CACNG3: variants seen among roughly 807,000 people sequenced by gnomAD.
CACNG3 encodes the protein voltage-dependent calcium channel gamma-3 subunit.
In CACNG3, 3 loss-of-function variants were observed where a neutral mutation model predicts 28.5. That is an observed-to-expected ratio of 0.11 (90% confidence interval 0.05 to 0.27). The LOEUF is 0.27. CACNG3 is among the 10% of genes least tolerant of loss of function. CACNG3 has a pLI of 1.00. For missense variants in CACNG3, 236 were observed against 414.4 expected, an observed-to-expected ratio of 0.57 and a Z score of 3.74; for synonymous variants, 174 against 162.2, an observed-to-expected ratio of 1.07 and a Z score of -0.55.
chr16:24,334,465 G>T (rs1023464046), intron 1 of CACNG3, among the ~76,000 whole-genome samples: 1 of 152,170 alleles, frequency 6.6e-6, no homozygotes, highest in Non-Finnish European at 1.5e-5. Flanking sequence ...ACCAAAATCT[G>T]CCCCAGGACC....
At chr16:24,289,370 A>G (rs1256763906) in intron 1 of CACNG3, among the ~76,000 whole-genome samples, 4 of 152,152 alleles carry the variant, frequency 2.6e-5, no homozygotes, top group Admixed American at 2.6e-4. Context: ...GAAAAGACAC[A>G]TTTTTTTAAA....
intron 1 of CACNG3, among the ~76,000 whole-genome samples, chr16:24,260,533 C>T (rs1898523601): frequency 6.6e-6 from 1 of 152,188 alleles, no homozygotes; most frequent in Non-Finnish European, 1.5e-5. Context: ...CAATACTTAA[C>T]CTTAGTCGTG....
At chr16:24,340,079 G>A (rs1206877339) in intron 1 of CACNG3, among the ~76,000 whole-genome samples, 4 of 152,120 alleles carry the variant, frequency 2.6e-5, no homozygotes, top group African/African-American at 9.7e-5. Flanking sequence ...AGATCTGCCT[G>A]AGCAACATGG....
At chr16:24,295,449 A>C (rs1899019001) in intron 1 of CACNG3, among the ~76,000 whole-genome samples, 1 of 152,194 alleles carries the variant, frequency 6.6e-6, no homozygotes, top group African/African-American at 2.4e-5. Context: ...TCAAGGTGTT[A>C]ATAATAAAAA....
At chr16:24,316,709 G>A (rs569708502) in intron 1 of CACNG3, among the ~76,000 whole-genome samples, 1 of 152,204 alleles carries the variant, frequency 6.6e-6, no homozygotes, top group Non-Finnish European at 1.5e-5. Context: ...GGCTGACCCA[G>A]GCTGTCCCTT....
intron 1 of CACNG3, among the ~76,000 whole-genome samples, chr16:24,293,153 T>A (rs1898987289): frequency 6.6e-6 from 1 of 152,268 alleles, no homozygotes; most frequent in African/African-American, 2.4e-5. Flanking sequence ...TTCAAGGTTC[T>A]AGAGCTGTTA....
chr16:24,315,361 C>G (rs765594978), intron 1 of CACNG3, among the ~76,000 whole-genome samples: 45 of 152,000 alleles, frequency 3.0e-4, no homozygotes, highest in Non-Finnish European at 5.1e-4. Flanking sequence ...CCAGAACACA[C>G]CTATCACATC....
chr16:24,277,135 A>T (rs1304244764), intron 1 of CACNG3, among the ~76,000 whole-genome samples: 1 of 152,128 alleles, frequency 6.6e-6, no homozygotes, highest in Non-Finnish European at 1.5e-5. Flanking sequence ...CCTCACATCC[A>T]TTCCTCCTTT....
intron 1 of CACNG3, among the ~76,000 whole-genome samples, chr16:24,280,844 A>AAAAAAAAAC (rs1414360076): frequency 6.6e-6 from 1 of 151,064 alleles, no homozygotes; most frequent in Non-Finnish European, 1.5e-5. Flanking sequence ...AAAAAAAAAA[A>AAAAAAAAAC]AGACCAGACC....
intron 1 of CACNG3, among the ~76,000 whole-genome samples, chr16:24,309,578 G>A (rs1447709948): frequency 1.3e-5 from 2 of 152,228 alleles, no homozygotes; most frequent in East Asian, 1.9e-4. Context: ...TACAATTCAC[G>A]TACTTTCATG....
intron 2 of CACNG3, 141 bp from the exon 3 acceptor site, chr16:24,354,692 C>A (rs755648820): frequency 1.3e-6 from 1 of 765,666 alleles, no homozygotes; most frequent in Non-Finnish European, 2.1e-6. Flanking sequence ...AGGCCCTGAG[C>A]GCCTGGTCTC....
chr16:24,313,957 C>T (rs1438762287), intron 1 of CACNG3, among the ~76,000 whole-genome samples: 1 of 152,150 alleles, frequency 6.6e-6, no homozygotes, highest in Non-Finnish European at 1.5e-5. Context: ...GTTGGCCAGG[C>T]TGGTCTTGAA....
intron 1 of CACNG3, among the ~76,000 whole-genome samples, chr16:24,292,192 C>T (rs751475799): frequency 7.9e-5 from 12 of 152,262 alleles, no homozygotes; most frequent in South Asian, 4.2e-4. Context: ...TATGCATGTA[C>T]TGTCCCACTG....
intron 1 of CACNG3, among the ~76,000 whole-genome samples, chr16:24,310,169 G>A (rs1899241265): frequency 6.7e-6 from 1 of 148,436 alleles, no homozygotes; most frequent in African/African-American, 2.6e-5. Flanking sequence ...TGCAGACTGA[G>A]TTAACAGACT....
At chr16:24,358,432 A>G (rs960887967) in intron 3 of CACNG3, among the ~76,000 whole-genome samples, 1 of 152,218 alleles carries the variant, frequency 6.6e-6, no homozygotes, top group Non-Finnish European at 1.5e-5. Flanking sequence ...TGGTATTGAT[A>G]AAGTGCCCAG....
chr16:24,282,077 G>T (rs1898836052), intron 1 of CACNG3, among the ~76,000 whole-genome samples: 1 of 152,184 alleles, frequency 6.6e-6, no homozygotes, highest in Admixed American at 6.5e-5. Flanking sequence ...CCACTGCAAC[G>T]CAGCAGTTTT....
intron 1 of CACNG3, among the ~76,000 whole-genome samples, chr16:24,274,669 A>T (rs2238502): frequency 1.3e-5 from 2 of 152,064 alleles, no homozygotes; most frequent in African/African-American, 4.8e-5. Context: ...ATACTGGTTG[A>T]TGAAGGTAGT....
At chr16:24,304,053 T>C (rs997867763) in intron 1 of CACNG3, among the ~76,000 whole-genome samples, 26 of 152,170 alleles carry the variant, frequency 1.7e-4, no homozygotes, top group African/African-American at 4.8e-4. Context: ...TAAAATAAAA[T>C]AAAAACAATT....
chr16:24,304,145 G>C (rs774223904), intron 1 of CACNG3, among the ~76,000 whole-genome samples: 1 of 152,146 alleles, frequency 6.6e-6, no homozygotes, highest in Non-Finnish European at 1.5e-5. Context: ...CGTGTTTTGG[G>C]CAAGAATATG....
Sources: gnomAD v4.1 joint callset for allele counts (sites outside exome capture counted in the v4.1 genomes callset) on GRCh38, gnomAD v4.1.1 for gene constraint, MANE v1.5 for transcripts, NCBI Gene and HGNC (gene_info 2026-07-23, HGNC 2026-07-21) for gene names.